Variants in RALGPS2 observed in about 807,000 individuals in gnomAD.
RALGPS2 encodes the protein Ral GEF with PH domain and SH3 binding motif 2, also known as ras-specific guanine nucleotide-releasing factor RalGPS2.
Under a neutral mutation model 86.8 loss-of-function variants are expected in RALGPS2, and 43 were observed. The observed-to-expected ratio is 0.50, with a 90% CI of 0.39 to 0.64. The LOEUF is 0.64. Among genes scored for constraint, RALGPS2 ranks in the 30% least tolerant of loss-of-function variants. RALGPS2 has a pLI of 0.00. For missense variants in RALGPS2, 536 were observed against 694.6 expected (o/e 0.77, Z 2.57); for synonymous variants, 243 against 231.3 (o/e 1.05, Z -0.46).
intron 8 of RALGPS2, among the ~76,000 whole-genome samples, chr1:178,849,068 C>A (rs1366846277): frequency 6.6e-6 from 1 of 152,158 alleles, no homozygotes; most frequent in Non-Finnish European, 1.5e-5. Flanking sequence ...AAGCATTATT[C>A]TTAATGTTTT....
chr1:178,902,170 C>G lies in RALGPS2; in HGVS notation c.1589C>G (p.Pro530Arg), dbSNP rs752695834. 4.3e-6 allele frequency: 7 copies of G among 1,613,060 alleles called. No homozygotes were observed. The South Asian group carries it at 6.6e-5, about 15-fold the overall frequency. Reference sequence around the variant, plus strand: ...TGGATGGTGATGATGGCTGATGACCCTGAACATCCTGATCTCTTCCTGCTG... The same window carrying G: ...TGGATGGTGATGATGGCTGATGACCGTGAACATCCTGATCTCTTCCTGCTG... Reference protein sequence around the residue: ...IGWMVMMADDPEHPDLFLLTD... With the variant: ...IGWMVMMADDREHPDLFLLTD... Residue 530 changes from proline (P) to arginine (R), a missense_variant, in exon 18 of 20, where the codon CCT becomes CGT. Pro to Arg is a moderately radical substitution (Grantham distance 103). Coordinates refer to ENST00000367635, the MANE Select transcript of RALGPS2 (RefSeq NM_152663.5).
chr1:178,830,270 C>T (rs964978635), intron 7 of RALGPS2, among the ~76,000 whole-genome samples: 1 of 152,072 alleles, frequency 6.6e-6, no homozygotes, highest in African/African-American at 2.4e-5. Flanking sequence ...TTTAAAGGTT[C>T]AGGAATAGCT....
At chr1:178,915,307 C>T (rs1660770992) in intron 19 of RALGPS2, among the ~76,000 whole-genome samples, 1 of 152,228 alleles carries the variant, frequency 6.6e-6, no homozygotes, top group Admixed American at 6.5e-5. Flanking sequence ...GCGATCTTGG[C>T]TCACTGCAAC....
chr1:178,876,826 G>C lies in RALGPS2; in HGVS notation c.608-672G>C, dbSNP rs527835062. Among the ~76,000 whole-genome samples, 12 of 152,030 alleles carry C rather than the reference G, an allele frequency of 7.9e-5. No individual in the cohort carries two copies. The East Asian group carries it at 2.3e-3, about 29-fold the overall frequency. The stretch of plus-strand genomic sequence containing the variant: ...TTTTAGAGGATGTGTTATTTTTGTT[G>C]GTACAAAAAGCATGGAGGGTAAGAA... On this transcript the variant is annotated intron_variant, in intron 8 of 19. Transcript: ENST00000367635.
At chr1:178,892,447 T>C (rs1203903993) in intron 15 of RALGPS2, 140 bp downstream of exon 15, 3 of 687,848 alleles carry the variant, frequency 4.4e-6, no homozygotes, top group Non-Finnish European at 7.4e-6. Context: ...AGAAAAACTT[T>C]CTTTCCAAGA....
intron 8 of RALGPS2, among the ~76,000 whole-genome samples, chr1:178,871,828 T>G (rs558913656): frequency 1.3e-5 from 2 of 152,342 alleles, no homozygotes; most frequent in East Asian, 3.9e-4. Context: ...AAGCTCTGAC[T>G]CTATGCCAGC....
Position 178,776,730 on chromosome 1 carries a change from C to G in RALGPS2, c.-35C>G. On this transcript the variant is annotated 5_prime_UTR_variant, in exon 2 of 20. Transcript: ENST00000367635. Reference sequence around the variant, plus strand: ...ACATGAGGCAGTCAGTCCTCTGTTGCTGTTAACATAAGGTCAGGGACTGAT... The same window carrying G: ...ACATGAGGCAGTCAGTCCTCTGTTGGTGTTAACATAAGGTCAGGGACTGAT... 6.4e-7 allele frequency: 1 copy of G among 1,552,164 alleles called. No individual in the cohort carries two copies. Among genetic ancestry groups the G allele is most frequent in the South Asian group, 1.2e-5 (1 of 86,252 alleles).
intron 1 of RALGPS2, among the ~76,000 whole-genome samples, chr1:178,753,458 G>T (rs2102049107): frequency 6.6e-6 from 1 of 152,216 alleles, no homozygotes; most frequent in South Asian, 2.1e-4. Flanking sequence ...ATATTCATCT[G>T]TATTATTAGC....
chr1:178,768,968 G>C (rs150967115), intron 1 of RALGPS2, among the ~76,000 whole-genome samples: 1 of 152,312 alleles, frequency 6.6e-6, no homozygotes, highest in African/African-American at 2.4e-5. Flanking sequence ...CTCTGCACAG[G>C]AATGGTAGGG....
chr1:178,858,286 G>C (rs1047862609), intron 8 of RALGPS2, among the ~76,000 whole-genome samples: 12 of 151,856 alleles, frequency 7.9e-5, no homozygotes, highest in African/African-American at 2.7e-4. Context: ...TTTACTTTCT[G>C]CCCTAAAATT....
chr1:178,862,882 G>A (rs1018347520), intron 8 of RALGPS2, among the ~76,000 whole-genome samples: 18 of 152,136 alleles, frequency 1.2e-4, no homozygotes, highest in African/African-American at 4.1e-4. Context: ...AGATGAATCT[G>A]CTGGCAATGT....
intron 6 of RALGPS2, among the ~76,000 whole-genome samples, chr1:178,815,485 T>C (rs935890719): frequency 6.6e-6 from 1 of 152,204 alleles, no homozygotes; most frequent in Non-Finnish European, 1.5e-5. Flanking sequence ...CTTACCACTT[T>C]TTTCGTATTT....
At chr1:178,817,680 G>A (rs1357807723) in intron 6 of RALGPS2, among the ~76,000 whole-genome samples, 2 of 152,076 alleles carry the variant, frequency 1.3e-5, no homozygotes, top group Non-Finnish European at 2.9e-5. Context: ...TTTGATTGAG[G>A]TTTTATTGAA....
At chr1:178,904,384 T>A (rs543474002) in intron 18 of RALGPS2, among the ~76,000 whole-genome samples, 6 of 152,230 alleles carry the variant, frequency 3.9e-5, no homozygotes, top group Non-Finnish European at 8.8e-5. Flanking sequence ...TCTTTGTTTT[T>A]ATTGCATTTG....
At chr1:178,870,123 A>C (rs1176244016) in intron 8 of RALGPS2, among the ~76,000 whole-genome samples, 1 of 152,162 alleles carries the variant, frequency 6.6e-6, no homozygotes, top group African/African-American at 2.4e-5. Context: ...TATTACATGT[A>C]AGCCTGGAAA....
chr1:178,776,101 AAT>A (rs1331103873), intron 1 of RALGPS2, among the ~76,000 whole-genome samples: 2 of 152,162 alleles, frequency 1.3e-5, no homozygotes, highest in Non-Finnish European at 2.9e-5. Flanking sequence ...GTGATATGCA[AAT>A]ACTGCACCAT....
intron 15 of RALGPS2, among the ~76,000 whole-genome samples, chr1:178,892,511 T>G (rs781486934): frequency 1.3e-5 from 2 of 152,154 alleles, no homozygotes; most frequent in Non-Finnish European, 2.9e-5. Context: ...AGCTAATTGC[T>G]AAAACTTGCA....
chr1:178,785,113 T>C (rs1374226966), intron 3 of RALGPS2, among the ~76,000 whole-genome samples: 2 of 152,040 alleles, frequency 1.3e-5, no homozygotes, highest in African/African-American at 2.4e-5. Context: ...GATAGGTCCA[T>C]AGCATATAAA....
rs145142697 is a variant in RALGPS2 at position 178,836,460 on chromosome 1, C to T, written c.607+2910C>T. ...TCACTCTCACCGTGTAGTTCTGCTTCACTTTATACTTAAGCCAATTTAAAA... is the reference window on the plus strand; with the variant it reads ...TCACTCTCACCGTGTAGTTCTGCTTTACTTTATACTTAAGCCAATTTAAAA... On this transcript the variant is annotated intron_variant, in intron 8 of 19. Coordinates refer to ENST00000367635, the MANE Select transcript of RALGPS2 (RefSeq NM_152663.5). Among the ~76,000 whole-genome samples the T allele has an allele frequency of 1.3e-3, 204 of 152,216 alleles. 1 individual carries two copies. The highest frequency in any genetic ancestry group is 4.8e-3 in the African/African-American group (201 of 41,524).
Sources: gnomAD v4.1 joint callset for allele counts (sites outside exome capture counted in the v4.1 genomes callset) on GRCh38, gnomAD v4.1.1 for gene constraint, MANE v1.5 for transcripts, NCBI Gene and HGNC (gene_info 2026-07-23, HGNC 2026-07-21) for gene names.